The following AMDHD1 variants were observed in gnomAD, a reference collection of about 807,000 sequenced individuals.
AMDHD1 encodes the protein probable imidazolonepropionase.
In AMDHD1, 45 loss-of-function variants were observed where a neutral mutation model predicts 44.1. The ratio of observed to expected loss-of-function variants is 1.02; its 90% CI spans 0.80 to 1.31. The LOEUF is 1.31. Among genes scored for constraint, AMDHD1 ranks in the 50% most tolerant of loss-of-function variants. The pLI, the probability that AMDHD1 is intolerant of heterozygous loss-of-function variation, is 0.00. For synonymous variants in AMDHD1, 206 were observed against 205.0 expected (o/e 1.00, Z -0.04); for missense variants, 586 against 552.1 (o/e 1.06, Z -0.61).
At chr12:95,959,835 G>A (rs202104800) in intron 4 of AMDHD1, among the ~76,000 whole-genome samples, 16 of 119,672 alleles carry the variant, frequency 1.3e-4, no homozygotes, top group East Asian at 9.7e-4. Flanking sequence ...TTGCTCTGTC[G>A]CCCAGGCTGG....
chr12:95,954,573 T>TAAATAAAATAAAATA (rs71435789), intron 2 of AMDHD1, among the ~76,000 whole-genome samples: 8,445 of 147,094 alleles, frequency 0.057, 356 homozygotes, highest in South Asian at 0.17. Context: ...TTCTCAAAAA[T>TAAATAAAATAAAATA]AAATAAAATA....
rs148326539 is a variant in AMDHD1 at position 95,952,632 on chromosome 12, A to C, written c.138-85A>C. On this transcript the variant is annotated intron_variant, in intron 1 of 8. Coordinates refer to ENST00000266736, the MANE Select transcript of AMDHD1 (RefSeq NM_152435.3). Reference sequence around the variant, plus strand: ...AAATGTTGACTAATTAACACCAAAGAATCTGAAAACATATTTTAAGTCACT... The same window carrying C: ...AAATGTTGACTAATTAACACCAAAGCATCTGAAAACATATTTTAAGTCACT... 2.1e-5 allele frequency: 19 copies of C among 889,736 alleles called. No individual in the cohort carries two copies. The African/African-American group carries it at 2.8e-4, about 13-fold the overall frequency. The allele number at this position is 889,736 out of a possible 1,614,324, so 55.1% of individuals were successfully genotyped here.
rs2080475442 is a variant in AMDHD1, at chr12:95,943,465, G to T, written c.67G>T (p.Glu23Ter). Residue 23 changes from glutamate (E) to a stop codon, truncating the protein, a stop_gained, in exon 1 of 9, where the codon GAG (glutamate) becomes TAG (stop). Transcript: ENST00000266736. LOFTEE classifies it high-confidence loss of function. ...AGTGGTGCTGGTGTGCGCCCGCGGC[G>T]AGCGCTTCCTGGCGCGGGATGCGCT... ...QQVVLVCARG[E>*]RFLARDALRS... The T allele has an allele frequency of 6.6e-7, 1 of 1,504,318 alleles. No individual in the cohort carries two copies. 93.2% of individuals were successfully genotyped at this position (1,504,318 alleles called of 1,614,324 possible).
At chr12:95,958,912 G>A (rs989938511) in intron 4 of AMDHD1, among the ~76,000 whole-genome samples, 11 of 152,000 alleles carry the variant, frequency 7.2e-5, no homozygotes, top group Non-Finnish European at 1.5e-4. Flanking sequence ...AAAATTAGCT[G>A]GGCGTGGTGG....
At chr12:95,943,678 G>C (rs769648031) in intron 1 of AMDHD1, 143 bp downstream of exon 1, 35 of 1,195,814 alleles carry the variant, frequency 2.9e-5, no homozygotes, top group Non-Finnish European at 3.6e-5. Context: ...TGGGGTACCT[G>C]TTGCTAACAC....
chr12:95,964,850 C>T (rs1286115601), intron 6 of AMDHD1, among the ~76,000 whole-genome samples: 1 of 131,592 alleles, frequency 7.6e-6, no homozygotes, highest in African/African-American at 2.9e-5. Context: ...ATGCCTAATC[C>T]AGGAAGAAGT....
intron 2 of AMDHD1, 102 bp from the exon 3 acceptor site, chr12:95,954,809 T>C: frequency 1.9e-6 from 2 of 1,068,188 alleles, no homozygotes; most frequent in Non-Finnish European, 1.4e-6. Context: ...ATGGCCACCA[T>C]CACACTTTCC....
chr12:95,953,086 T>A (rs2080532354), intron 2 of AMDHD1, among the ~76,000 whole-genome samples: 1 of 152,220 alleles, frequency 6.6e-6, no homozygotes, highest in African/African-American at 2.4e-5. Flanking sequence ...GTGAAATATG[T>A]TACCCAAGGT....
At position 95,943,472 on chromosome 12, in the gene AMDHD1, T is replaced by TCCTGGCGCGGGATGCGCTGCGCAG; in HGVS notation, c.82_105dup (p.Arg28_Ala35dup). The stretch of plus-strand genomic sequence containing the variant: ...CTGGTGTGCGCCCGCGGCGAGCGCT[T>TCCTGGCGCGGGATGCGCTGCGCAG]CCTGGCGCGGGATGCGCTGCGCAGC... On this transcript the variant is annotated inframe_insertion, in exon 1 of 9. Coordinates refer to ENST00000266736, the MANE Select transcript of AMDHD1 (RefSeq NM_152435.3). The TCCTGGCGCGGGATGCGCTGCGCAG allele has an allele frequency of 6.6e-7, 1 of 1,504,284 alleles. No homozygotes were observed. The highest frequency in any genetic ancestry group is 1.4e-5 in the African/African-American group (1 of 69,196). The allele number at this position is 1,504,284 out of a possible 1,614,324, so 93.2% of individuals were successfully genotyped here.
rs537265116 is a variant in AMDHD1 at position 95,943,390 on chromosome 12, C to T, written c.-9C>T. ...GGTGGCCTCCCGGCGACCCTCGGCGCGAGGCGACATGGCAAGCGGCCACAG... is the reference window on the plus strand; with the variant it reads ...GGTGGCCTCCCGGCGACCCTCGGCGTGAGGCGACATGGCAAGCGGCCACAG... On this transcript the variant is annotated 5_prime_UTR_variant, in exon 1 of 9. Transcript: ENST00000266736. 2.0e-4 allele frequency: 300 copies of T among 1,492,032 alleles called. No individual in the cohort carries two copies. In the African/African-American group the frequency reaches 3.8e-3, roughly 19 times the overall value. The allele number at this position is 1,492,032 out of a possible 1,614,324, so 92.4% of individuals were successfully genotyped here.
intron 1 of AMDHD1, among the ~76,000 whole-genome samples, chr12:95,952,165 A>G (rs899490578): frequency 4.6e-5 from 7 of 152,304 alleles, no homozygotes; most frequent in Non-Finnish European, 1.0e-4. Flanking sequence ...GCCTGAACCA[A>G]TGTCCTAGAG....
chr12:95,958,482 T>A (rs1315745191), intron 4 of AMDHD1, among the ~76,000 whole-genome samples: 1 of 152,236 alleles, frequency 6.6e-6, no homozygotes, highest in Non-Finnish European at 1.5e-5. Context: ...AAAATTTCAC[T>A]GAGACTCTTG....
Position 95,960,571 on chromosome 12 carries a change from G to A in AMDHD1, c.761G>A (p.Gly254Glu), listed in dbSNP as rs1206284141. 1.2e-5 allele frequency: 19 copies of A among 1,614,178 alleles called. No individual in the cohort carries two copies. Among genetic ancestry groups the A allele is most frequent in the South Asian group, 2.2e-5 (2 of 91,082 alleles). Residue 254 changes from glycine to glutamate, a missense_variant, in exon 5 of 9, where the codon GGG (glycine) becomes GAG (glutamate). By Grantham distance (98) the Gly-to-Glu change is moderately conservative (BLOSUM62 -2). Coordinates refer to ENST00000266736, the MANE Select transcript of AMDHD1 (RefSeq NM_152435.3). ...ATTCTTCAACGTGGAAAAGATATAG[G>A]GTTACAGATTAACTTCCATGGGGAT... Reference protein sequence around the residue: ...RRILQRGKDIGLQINFHGDEL... With the variant: ...RRILQRGKDIELQINFHGDEL...
At chr12:95,960,370 C>T (rs1461975572) in intron 4 of AMDHD1, 28 bp from the exon 5 acceptor site, 4 of 1,596,144 alleles carry the variant, frequency 2.5e-6, no homozygotes, top group Admixed American at 1.7e-5. Context: ...TTAATATTTG[C>T]CCATGGCAAT....
chr12:95,966,646 C>T, intron 8 of AMDHD1, 138 bp downstream of exon 8: 3 of 1,145,820 alleles, frequency 2.6e-6, no homozygotes, highest in Non-Finnish European at 2.5e-6. Context: ...TATCTTGATC[C>T]CTTTCCAAAG....
intron 4 of AMDHD1, 98 bp from the exon 5 acceptor site, chr12:95,960,300 C>A: frequency 5.0e-6 from 5 of 1,008,474 alleles, no homozygotes; most frequent in African/African-American, 1.6e-5. Context: ...AAGTCATTTA[C>A]CTCTACTGCT....
chr12:95,944,426 G>A (rs900387027), intron 1 of AMDHD1, among the ~76,000 whole-genome samples: 1 of 151,618 alleles, frequency 6.6e-6, no homozygotes, highest in South Asian at 2.1e-4. Flanking sequence ...TTTTGAGACA[G>A]GGTCTAGCTC....
At chr12:95,961,144 C>CAAATAAAA (rs1444380059) in intron 5 of AMDHD1, among the ~76,000 whole-genome samples, 1 of 129,664 alleles carries the variant, frequency 7.7e-6, no homozygotes, top group Non-Finnish European at 1.6e-5. Flanking sequence ...GACTCCATCT[C>CAAATAAAA]AAAAAAAAAA....
chr12:95,947,730 C>A (rs1337046414), intron 1 of AMDHD1, among the ~76,000 whole-genome samples: 3 of 55,264 alleles, frequency 5.4e-5, no homozygotes, highest in Non-Finnish European at 9.9e-5. Context: ...TCAGCCCCCC[C>A]ACCCGGCCAG....
Sources: gnomAD v4.1 joint callset for allele counts (sites outside exome capture counted in the v4.1 genomes callset) on GRCh38, gnomAD v4.1.1 for gene constraint, MANE v1.5 for transcripts, NCBI Gene and HGNC (gene_info 2026-07-23, HGNC 2026-07-21) for gene names.